Variants in RAB1A observed in about 807,000 individuals in gnomAD.
RAB1A encodes ras-related protein Rab-1A.
In RAB1A, 2 loss-of-function variants were observed where a neutral mutation model predicts 26.0. That is an observed-to-expected ratio of 0.08 (90% CI 0.03 to 0.24). The LOEUF (loss-of-function observed/expected upper bound fraction) is 0.24, where lower values mean the gene tolerates loss of function less well. Among genes scored for constraint, RAB1A ranks in the 10% least tolerant of loss-of-function variants. The pLI is 1.00. For missense variants in RAB1A, 100 were observed against 247.0 expected (o/e 0.40, Z 3.99); for synonymous variants, 84 against 84.9 (o/e 0.99, Z 0.06).
At chr2:65,089,647 G>A (rs1175660655) in intron 4 of RAB1A, among the ~76,000 whole-genome samples, 1 of 151,558 alleles carries the variant, frequency 6.6e-6, no homozygotes, top group Non-Finnish European at 1.5e-5. Context: ...AAACCCAACT[G>A]CTTTGGAATA....
intron 1 of RAB1A, among the ~76,000 whole-genome samples, chr2:65,127,661 G>C (rs1670129331): frequency 6.6e-6 from 1 of 152,198 alleles, no homozygotes; most frequent in African/African-American, 2.4e-5. Context: ...AGGAGGCGGA[G>C]GTGGCGGTGA....
intron 1 of RAB1A, among the ~76,000 whole-genome samples, chr2:65,119,841 C>CAAAAA (rs1178958164): frequency 0.023 from 846 of 36,410 alleles, 38 homozygotes; most frequent in Non-Finnish European, 0.026. Flanking sequence ...CCTGTCTCTA[C>CAAAAA]AAAAAAAAAA....
chr2:65,109,963 A>G (rs749992627), intron 1 of RAB1A, among the ~76,000 whole-genome samples: 2 of 152,176 alleles, frequency 1.3e-5, no homozygotes, highest in Non-Finnish European at 2.9e-5. Flanking sequence ...TACGTATACA[A>G]GGATCTAGCA....
At chr2:65,125,583 A>T (rs1042222960) in intron 1 of RAB1A, among the ~76,000 whole-genome samples, 3 of 151,728 alleles carry the variant, frequency 2.0e-5, no homozygotes, top group Non-Finnish European at 4.4e-5. Flanking sequence ...CACCACACCC[A>T]GCTAATTTTT....
chr2:65,108,897 C>G (rs1305060331), intron 1 of RAB1A, among the ~76,000 whole-genome samples: 1 of 152,104 alleles, frequency 6.6e-6, no homozygotes, highest in Non-Finnish European at 1.5e-5. Context: ...ATTGAGTGCT[C>G]TGTATAAGAC....
intron 1 of RAB1A, among the ~76,000 whole-genome samples, chr2:65,110,398 G>A (rs376992833): frequency 2.8e-5 from 4 of 142,702 alleles, no homozygotes; most frequent in African/African-American, 1.0e-4. Flanking sequence ...AAGAGATGGC[G>A]CTACTGCACT....
intron 1 of RAB1A, among the ~76,000 whole-genome samples, chr2:65,122,151 A>T (rs1208534623): frequency 1.1e-5 from 1 of 94,612 alleles, no homozygotes; most frequent in Non-Finnish European, 2.0e-5. Flanking sequence ...GCAAGACTCT[A>T]TCTCAAAAAA....
At chr2:65,092,641 A>T (rs1669198501) in intron 3 of RAB1A, among the ~76,000 whole-genome samples, 1 of 152,222 alleles carries the variant, frequency 6.6e-6, no homozygotes, top group South Asian at 2.1e-4. Context: ...GCACCCAAAA[A>T]GTAAAATTTC....
chr2:65,088,712 A>G (rs199842238), intron 5 of RAB1A, 22 bp from the exon 6 acceptor site: 3 of 1,560,806 alleles, frequency 1.9e-6, no homozygotes, highest in East Asian at 2.3e-5. Flanking sequence ...ATGAGGCACA[A>G]TTAACACTGA....
rs772916569 is a variant in RAB1A at position 65,104,752 on chromosome 2, G to A, written c.78C>T (p.Cys26=). 7 of 1,593,996 alleles carry A rather than the reference G, an allele frequency of 4.4e-6. No homozygotes were observed. Among genetic ancestry groups the A allele is most frequent in the Admixed American group, 1.8e-5 (1 of 56,890 alleles). ...AACTTACTGCAAACCTAAGAAGAAG[G>A]CAAGACTTTCCAACCCCTGAGTCGC... ...LIGDSGVGKS[C]LLLRFADDTY... The change falls in exon 2 of 6, where the codon TGC becomes TGT. Residue 26 remains cysteine, a synonymous_variant. Transcript: ENST00000409784.
intron 1 of RAB1A, among the ~76,000 whole-genome samples, chr2:65,114,670 C>G (rs994046271): frequency 6.6e-6 from 1 of 151,792 alleles, no homozygotes; most frequent in Non-Finnish European, 1.5e-5. Flanking sequence ...GGTGAAACCC[C>G]GTCTCTACTA....
chr2:65,113,227 T>A (rs750735188), intron 1 of RAB1A, among the ~76,000 whole-genome samples: 6 of 152,220 alleles, frequency 3.9e-5, no homozygotes, highest in Non-Finnish European at 8.8e-5. Flanking sequence ...TTCCATTATT[T>A]GTTTGCGTGC....
At chr2:65,116,384 C>T (rs1366069267) in intron 1 of RAB1A, among the ~76,000 whole-genome samples, 1 of 151,998 alleles carries the variant, frequency 6.6e-6, no homozygotes, top group Non-Finnish European at 1.5e-5. Context: ...CTGGAAGACC[C>T]GTACTTGAAT....
intron 1 of RAB1A, among the ~76,000 whole-genome samples, chr2:65,116,146 G>C (rs1216461765): frequency 1.3e-5 from 2 of 151,902 alleles, no homozygotes. Flanking sequence ...AACAGAGTGA[G>C]ACTCCATCTC....
At chr2:65,114,636 G>A (rs1055272579) in intron 1 of RAB1A, among the ~76,000 whole-genome samples, 1 of 152,156 alleles carries the variant, frequency 6.6e-6, no homozygotes, top group South Asian at 2.1e-4. Flanking sequence ...GAGGTCAGGA[G>A]ATCGAGACCA....
chr2:65,120,629 C>T (rs934166711), intron 1 of RAB1A, among the ~76,000 whole-genome samples: 4 of 151,922 alleles, frequency 2.6e-5, no homozygotes, highest in African/African-American at 9.7e-5. Context: ...CATGAACAGC[C>T]TTGGTGTGAA....
chr2:65,089,246 T>A (rs1342596396), intron 4 of RAB1A, among the ~76,000 whole-genome samples, 176 bp from the exon 5 acceptor site: 4 of 152,122 alleles, frequency 2.6e-5, no homozygotes, highest in Non-Finnish European at 4.4e-5. Context: ...AGGGTCTTGC[T>A]CTGTCACCTA....
At chr2:65,129,136 T>C (rs1172848427) in intron 1 of RAB1A, among the ~76,000 whole-genome samples, 3 of 150,874 alleles carry the variant, frequency 2.0e-5, no homozygotes, top group African/African-American at 7.3e-5. Flanking sequence ...AGACATTTCT[T>C]GGCTTTAGTT....
chr2:65,125,447 A>C (rs991179033), intron 1 of RAB1A, among the ~76,000 whole-genome samples: 2 of 117,720 alleles, frequency 1.7e-5, no homozygotes, highest in Non-Finnish European at 3.3e-5. Context: ...TTTTTTGAGG[A>C]GTCTCACTCT....
Sources: allele counts gnomAD v4.1 joint callset (sites outside exome capture counted in the v4.1 genomes callset), GRCh38; gene constraint gnomAD v4.1.1; transcripts MANE v1.5; gene names NCBI Gene and HGNC (gene_info 2026-07-23, HGNC 2026-07-21).